The following RPP40 variants were observed in gnomAD, a reference collection of about 807,000 sequenced individuals.
RPP40 encodes the protein ribonuclease P/MRP subunit p40, also known as ribonuclease P protein subunit p40.
In RPP40, 30 loss-of-function variants were observed where a neutral mutation model predicts 42.5. The ratio of observed to expected loss-of-function variants is 0.71; its 90% CI spans 0.53 to 0.96. The LOEUF (loss-of-function observed/expected upper bound fraction) is 0.96, where lower values mean the gene tolerates loss of function less well. Ranked by LOEUF, RPP40 falls within the 40% of genes least tolerant of loss-of-function variation. The pLI, the probability that RPP40 is intolerant of heterozygous loss-of-function variation, is 0.00. For missense variants in RPP40, 426 were observed against 433.5 expected (o/e 0.98, Z 0.15); for synonymous variants, 173 against 164.0 (o/e 1.05, Z -0.42).
At position 5,004,031 on chromosome 6, in the gene RPP40, C is replaced by T. The variant is rs1251300742; in HGVS notation, c.-29G>A. 3 of 1,572,400 alleles carry T rather than the reference C, an allele frequency of 1.9e-6. No individual in the cohort carries two copies. Among genetic ancestry groups the T allele is most frequent in the Non-Finnish European group, 2.6e-6 (3 of 1,159,004 alleles). On this transcript the variant is annotated 5_prime_UTR_variant, in exon 1 of 8. Transcript: ENST00000380051. Reference sequence around the variant, plus strand: ...CTCCTGGGTTCCTGGTCCTCCCGGCCTCCGCTGGCGGGGCACGCCCCGCCC... The same window carrying T: ...CTCCTGGGTTCCTGGTCCTCCCGGCTTCCGCTGGCGGGGCACGCCCCGCCC...
chr6:5,003,879 C>T lies in RPP40; in HGVS notation c.123+1G>A, dbSNP rs770475636. 6 of 1,612,188 alleles carry T rather than the reference C, an allele frequency of 3.7e-6. No homozygotes were observed. The East Asian group carries it at 1.3e-4, about 36-fold the overall frequency. Reference sequence around the variant, plus strand: ...GAAAAGCCGAGGACAGCCGGACTCACCCTGTAGTTATAGTAGTGCGTCTGC... The same window carrying T: ...GAAAAGCCGAGGACAGCCGGACTCATCCTGTAGTTATAGTAGTGCGTCTGC... On this transcript the variant is annotated splice_donor_variant, in intron 1 of 7. Coordinates refer to ENST00000380051, the MANE Select transcript of RPP40 (RefSeq NM_006638.4). LOFTEE classifies it high-confidence loss of function.
Position 4,999,797 on chromosome 6 carries a change from CATG to C in RPP40, c.433+9_433+11del. The C allele has an allele frequency of 4.2e-6, 6 of 1,414,932 alleles. No individual in the cohort carries two copies. Among genetic ancestry groups the C allele is most frequent in the Non-Finnish European group, 6.0e-6 (6 of 999,726 alleles). 87.6% of individuals were successfully genotyped at this position (1,414,932 alleles called of 1,614,324 possible). On this transcript the variant is annotated intron_variant, in intron 4 of 7. Coordinates refer to ENST00000380051, the MANE Select transcript of RPP40 (RefSeq NM_006638.4). ...GAAGATTAGAAACAGATGGAACACACATGATACTTACTAAATTTCATAATTTTT... is the reference window on the plus strand; with the variant it reads ...GAAGATTAGAAACAGATGGAACACACATACTTACTAAATTTCATAATTTTT...
In RPP40 at chr6:4,994,907, G is replaced by A. The variant is rs953127977; in HGVS notation, c.*171C>T. 6.5e-6 allele frequency: 4 copies of A among 615,482 alleles called. No individual in the cohort carries two copies. The highest frequency in any genetic ancestry group is 5.5e-5 in the East Asian group (2 of 36,562). 38.1% of individuals were successfully genotyped at this position (615,482 alleles called of 1,614,324 possible). ...ACTATGAGCTATTCACTGGACAGCA[G>A]GCCTTGCTGCCATCACAGATGGGTC... On this transcript the variant is annotated 3_prime_UTR_variant, in exon 8 of 8. Coordinates refer to ENST00000380051, the MANE Select transcript of RPP40 (RefSeq NM_006638.4).
Position 4,995,036 on chromosome 6 carries a change from CA to C in RPP40, c.*41del. 3.3e-6 allele frequency: 5 copies of C among 1,513,274 alleles called. No homozygotes were observed. Among genetic ancestry groups the C allele is most frequent in the Non-Finnish European group, 4.5e-6 (5 of 1,105,658 alleles). The allele number at this position is 1,513,274 out of a possible 1,614,324, so 93.7% of individuals were successfully genotyped here. The stretch of plus-strand genomic sequence containing the variant: ...CTTTTACCATTAAGAAATCTGAAAG[CA>C]AGCGTAAATGTAAGTAAACACGATT... On this transcript the variant is annotated 3_prime_UTR_variant, in exon 8 of 8. Coordinates refer to ENST00000380051, the MANE Select transcript of RPP40 (RefSeq NM_006638.4).
intron 2 of RPP40, chr6:5,001,155 GAC>G (rs1194730281): frequency 6.6e-6 from 3 of 456,588 alleles, no homozygotes; most frequent in African/African-American, 6.0e-5. Flanking sequence ...ACCTCTCAGA[GAC>G]AGAGTTCCAG....
In RPP40 at chr6:4,996,036, T is replaced by G. The variant is rs1759367624; in HGVS notation, c.808A>C (p.Ser270Arg). The change falls in exon 7 of 8, where the codon AGC (serine) becomes CGC (arginine). Residue 270 changes from serine (S) to arginine (R), a missense_variant. Coordinates refer to ENST00000380051, the MANE Select transcript of RPP40 (RefSeq NM_006638.4). The part of the protein sequence containing the change: ...FISTYCCPEP[S>R]TVVAKAYLCT... ...AAATAAGCTTTTGCCACCACTGTGC[T>G]TGGCTCAGGACAGCAATAGGTTGAT... 6.2e-7 allele frequency: 1 copy of G among 1,613,998 alleles called. No individual in the cohort carries two copies. Among genetic ancestry groups the G allele is most frequent in the Non-Finnish European group, 8.5e-7 (1 of 1,179,984 alleles).
At chr6:4,989,766 C>T (rs1021095508), downstream of RPP40, among the ~76,000 whole-genome samples, 1 of 152,174 alleles carries the variant, frequency 6.6e-6, no homozygotes, top group African/African-American at 2.4e-5. Flanking sequence ...CCATATACAA[C>T]TGATTTTTGT....
downstream of RPP40, among the ~76,000 whole-genome samples, chr6:4,994,507 T>C (rs190746516): frequency 6.6e-6 from 1 of 152,328 alleles, no homozygotes; most frequent in Admixed American, 6.5e-5. Flanking sequence ...TGTAACGATT[T>C]ACAGTATCCA....
intron 4 of RPP40, among the ~76,000 whole-genome samples, 169 bp downstream of exon 4, chr6:4,999,640 T>C (rs1209179943): frequency 6.6e-6 from 1 of 152,182 alleles, no homozygotes. Context: ...TGAAAAGAAA[T>C]GAACTTAAAA....
At position 4,996,329 on chromosome 6, in the gene RPP40, G is replaced by A. The variant is rs779551507; in HGVS notation, c.651C>T (p.Leu217=). The change falls in exon 6 of 8, where the codon CTC becomes CTT. Residue 217 remains leucine, a synonymous_variant. Transcript: ENST00000380051. The part of the protein sequence containing the change: ...PKVALSTLRD[L]QCPVLQSSEL... The stretch of plus-strand genomic sequence containing the variant: ...CGCTGCTCTGCAGCACTGGGCACTG[G>A]AGATCTCTCAACGTGCTCAGTGCTA... The A allele has an allele frequency of 6.2e-7, 1 of 1,614,138 alleles. No homozygotes were observed. Among genetic ancestry groups the A allele is most frequent in the Non-Finnish European group, 8.5e-7 (1 of 1,180,038 alleles).
At chr6:4,989,301 C>T in the RPP40 span, among the ~76,000 whole-genome samples, 3 of 152,202 alleles carry the variant, frequency 2.0e-5, no homozygotes, top group Admixed American at 6.5e-5. Flanking sequence ...GTCAATACCA[C>T]ACTGTCTTGA....
intron 1 of RPP40, among the ~76,000 whole-genome samples, chr6:5,002,655 G>C (rs1386549883): frequency 6.6e-6 from 1 of 152,086 alleles, no homozygotes; most frequent in African/African-American, 2.4e-5. Flanking sequence ...ACTATCTGTC[G>C]GGGCATAAGG....
Position 4,995,115 on chromosome 6 carries a change from T to G in RPP40, c.1055A>C (p.Gln352Pro). The change falls in exon 8 of 8, where the codon CAG (glutamine) becomes CCG (proline). Residue 352 changes from glutamine (Q) to proline (P), a missense_variant. By Grantham distance (76) the Gln-to-Pro change is moderately conservative. Coordinates refer to ENST00000380051, the MANE Select transcript of RPP40 (RefSeq NM_006638.4). ...VIFNNQDYWLQMAVGANDHCP... is the reference protein window; with the variant it reads ...VIFNNQDYWLPMAVGANDHCP... ...GTGATCATTTGCCCCAACAGCCATC[T>G]GAAGCCAATAGTCCTGATTATTAAA... 6.2e-7 allele frequency: 1 copy of G among 1,614,082 alleles called. No individual in the cohort carries two copies. The highest frequency in any genetic ancestry group is 8.5e-7 in the Non-Finnish European group (1 of 1,179,954).
intron 5 of RPP40, among the ~76,000 whole-genome samples, chr6:4,997,590 GT>G (rs1379718681): frequency 1.3e-5 from 2 of 152,164 alleles, no homozygotes; most frequent in Non-Finnish European, 2.9e-5. Flanking sequence ...ACAGCCTGTC[GT>G]GGGACTCCTC....
At chr6:5,001,030 C>G in intron 2 of RPP40, 2 of 461,716 alleles carry the variant, frequency 4.3e-6, no homozygotes, top group African/African-American at 2.0e-5. Context: ...ACTCCCTGAC[C>G]AACAGCCTAT....
chr6:5,003,658 C>T, intron 1 of RPP40: 2 of 510,906 alleles, frequency 3.9e-6, no homozygotes, highest in Non-Finnish European at 3.3e-6. Flanking sequence ...GACTGGGTAC[C>T]GCCCCCACGC....
downstream of RPP40, among the ~76,000 whole-genome samples, chr6:4,992,633 G>A (rs934100830): frequency 2.6e-5 from 4 of 151,850 alleles, no homozygotes; most frequent in African/African-American, 9.7e-5. Flanking sequence ...ATTAGGTCAT[G>A]TTTTTTTCAA....
At chr6:5,001,999 A>G in intron 2 of RPP40, 102 bp downstream of exon 2, 1 of 1,024,532 alleles carries the variant, frequency 9.8e-7, no homozygotes, top group Non-Finnish European at 1.5e-6. Flanking sequence ...AGACTATACC[A>G]CAGGCCCTGT....
rs545201661 is a variant in RPP40, at chr6:5,002,581, G to A, written c.124-336C>T. Among the ~76,000 whole-genome samples the A allele has an allele frequency of 6.6e-5, 10 of 152,220 alleles. No homozygotes were observed. The South Asian group carries it at 1.9e-3, about 28-fold the overall frequency. ...TTCCTTTCACTATTTTATTTTCAAGGAAATATAGTATAATTGAATATCCCT... is the reference window on the plus strand; with the variant it reads ...TTCCTTTCACTATTTTATTTTCAAGAAAATATAGTATAATTGAATATCCCT... On this transcript the variant is annotated intron_variant, in intron 1 of 7. Coordinates refer to ENST00000380051, the MANE Select transcript of RPP40 (RefSeq NM_006638.4).
Sources: gnomAD v4.1 joint callset for allele counts (sites outside exome capture counted in the v4.1 genomes callset) on GRCh38, gnomAD v4.1.1 for gene constraint, MANE v1.5 for transcripts, NCBI Gene and HGNC (gene_info 2026-07-23, HGNC 2026-07-21) for gene names.